Variants in FER observed in about 807,000 individuals in gnomAD.
The protein encoded by FER is FER tyrosine kinase.
Under a neutral mutation model 111.0 loss-of-function variants are expected in FER, and 63 were observed. The ratio of observed to expected loss-of-function variants is 0.57; its 90% CI spans 0.46 to 0.70. The LOEUF (loss-of-function observed/expected upper bound fraction) is 0.70. Ranked by LOEUF, FER falls within the 30% of genes least tolerant of loss-of-function variation. FER has a pLI of 0.00. For missense variants in FER, 914 were observed against 954.0 expected (o/e 0.96, Z 0.55); for synonymous variants, 327 against 313.9 (o/e 1.04, Z -0.44).
intron 1 of FER, among the ~76,000 whole-genome samples, chr5:108,758,726 AG>A (rs1364263923): frequency 6.6e-6 from 1 of 152,204 alleles, no homozygotes; most frequent in Non-Finnish European, 1.5e-5. Context: ...TACTGGAACT[AG>A]GAATAGGAAG....
At chr5:108,995,515 TGTTTG>T (rs1317360188) in intron 13 of FER, among the ~76,000 whole-genome samples, 2 of 150,148 alleles carry the variant, frequency 1.3e-5, no homozygotes, top group Non-Finnish European at 3.0e-5. Context: ...GAACATGTGG[TGTTTG>T]GTTTTCTGTT....
At chr5:108,868,057 C>A in intron 6 of FER, 107 bp downstream of exon 6, 1 of 1,021,476 alleles carries the variant, frequency 9.8e-7, no homozygotes, top group Non-Finnish European at 1.4e-6. Flanking sequence ...TAACCCAGTC[C>A]AGGGGGTATT....
At chr5:108,878,176 C>T (rs1477184997) in intron 8 of FER, among the ~76,000 whole-genome samples, 3 of 151,940 alleles carry the variant, frequency 2.0e-5, no homozygotes, top group African/African-American at 7.3e-5. Flanking sequence ...CAAAGTGCTG[C>T]GATTACATTC....
intron 17 of FER, among the ~76,000 whole-genome samples, chr5:109,174,087 C>T (rs1757434622): frequency 6.6e-6 from 1 of 152,130 alleles, no homozygotes. Flanking sequence ...TGCAGGCTTC[C>T]TTTGGGGCCA....
chr5:109,154,679 A>G (rs1199529761), intron 17 of FER, among the ~76,000 whole-genome samples: 1 of 151,932 alleles, frequency 6.6e-6, no homozygotes, highest in Non-Finnish European at 1.5e-5. Flanking sequence ...ACTATTCGAC[A>G]TCTATATCAC....
At chr5:109,074,781 C>T (rs1335687055) in intron 16 of FER, among the ~76,000 whole-genome samples, 1 of 152,186 alleles carries the variant, frequency 6.6e-6, no homozygotes, top group African/African-American at 2.4e-5. Flanking sequence ...GGTCATATAC[C>T]TTGGCATGAA....
At chr5:108,885,215 A>G (rs966653148) in intron 9 of FER, among the ~76,000 whole-genome samples, 2 of 151,952 alleles carry the variant, frequency 1.3e-5, no homozygotes, top group Non-Finnish European at 2.9e-5. Context: ...TGAATGTCTT[A>G]GAAGTATCCT....
At chr5:109,122,303 T>G (rs1451194015) in intron 17 of FER, among the ~76,000 whole-genome samples, 3 of 152,202 alleles carry the variant, frequency 2.0e-5, no homozygotes, top group East Asian at 3.8e-4. Flanking sequence ...TTTTTTAATT[T>G]CCTTCTTAAT....
At chr5:108,845,065 T>TACACAC (rs1406825390) in intron 5 of FER, among the ~76,000 whole-genome samples, 1 of 62,718 alleles carries the variant, frequency 1.6e-5, no homozygotes, top group Admixed American at 1.6e-4. Context: ...TATATATATA[T>TACACAC]ATACACACAC....
intron 16 of FER, among the ~76,000 whole-genome samples, chr5:109,053,691 A>ATTTTTTT (rs544623578): frequency 1.7e-5 from 2 of 119,402 alleles, no homozygotes; most frequent in Non-Finnish European, 1.7e-5. Context: ...GTGGAGTTCT[A>ATTTTTTT]TTTTTTTTTT....
At chr5:108,819,404 A>C (rs983922008) in intron 3 of FER, among the ~76,000 whole-genome samples, 1 of 152,132 alleles carries the variant, frequency 6.6e-6, no homozygotes, top group Non-Finnish European at 1.5e-5. Flanking sequence ...GCATCAGGTT[A>C]TGTCAGGTGT....
intron 16 of FER, among the ~76,000 whole-genome samples, chr5:109,088,874 C>T (rs993984284): frequency 6.6e-6 from 1 of 152,010 alleles, no homozygotes; most frequent in African/African-American, 2.4e-5. Context: ...AAAAGAACAG[C>T]CTCTTATAGA....
At chr5:108,802,306 T>A (rs1452241423) in intron 3 of FER, among the ~76,000 whole-genome samples, 5 of 152,162 alleles carry the variant, frequency 3.3e-5, no homozygotes, top group Admixed American at 2.6e-4. Context: ...ATCTTAACAG[T>A]ATTGGGTCTT....
At chr5:109,018,066 CTGTT>C (rs1561780381) in intron 13 of FER, among the ~76,000 whole-genome samples, 1 of 151,734 alleles carries the variant, frequency 6.6e-6, no homozygotes, top group East Asian at 1.9e-4. Flanking sequence ...TGTCTCCTGT[CTGTT>C]TTAGTTAGAA....
At chr5:108,808,595 C>CAATATT (rs562240394) in intron 3 of FER, among the ~76,000 whole-genome samples, 9 of 151,838 alleles carry the variant, frequency 5.9e-5, no homozygotes, top group East Asian at 1.9e-4. Flanking sequence ...AGTTTACATT[C>CAATATT]AATATTAATA....
chr5:108,756,796 T>A (rs559000352), intron 1 of FER, among the ~76,000 whole-genome samples: 3 of 152,304 alleles, frequency 2.0e-5, no homozygotes, highest in South Asian at 4.1e-4. Context: ...TTTTTTGTTT[T>A]GTTTTTGTAT....
chr5:108,953,918 T>A (rs779246771), intron 11 of FER, among the ~76,000 whole-genome samples: 3 of 152,116 alleles, frequency 2.0e-5, no homozygotes, highest in Non-Finnish European at 4.4e-5. Context: ...AACAAGATTC[T>A]TACTTGTAAT....
intron 5 of FER, among the ~76,000 whole-genome samples, chr5:108,864,498 G>C (rs1763837580): frequency 6.6e-6 from 1 of 152,142 alleles, no homozygotes; most frequent in Non-Finnish European, 1.5e-5. Context: ...CTGAGCCTAA[G>C]CAGAATGGCA....
intron 16 of FER, among the ~76,000 whole-genome samples, chr5:109,070,474 CTG>C (rs199716688): frequency 0.012 from 1,809 of 151,992 alleles, 18 homozygotes; most frequent in Non-Finnish European, 0.02. Flanking sequence ...AAAGAAAAAA[CTG>C]TGAAATTTAG....
Sources: allele counts gnomAD v4.1 joint callset (sites outside exome capture counted in the v4.1 genomes callset), GRCh38; gene constraint gnomAD v4.1.1; transcripts MANE v1.5; gene names NCBI Gene and HGNC (gene_info 2026-07-23, HGNC 2026-07-21).